Variants in SPOCK1 observed in about 807,000 individuals in gnomAD.
SPOCK1 encodes testican-1.
In SPOCK1, 23 loss-of-function variants were observed where a neutral mutation model predicts 55.3. That is an observed-to-expected ratio of 0.42 (90% confidence interval 0.30 to 0.59). The LOEUF is 0.59. Ranked by LOEUF, SPOCK1 falls within the 20% of genes least tolerant of loss-of-function variation. The pLI is 0.22. For missense variants in SPOCK1, 499 were observed against 552.5 expected (o/e 0.90, Z 0.97); for synonymous variants, 226 against 221.0 (o/e 1.02, Z -0.20).
At chr5:137,012,858 T>G (rs750648338) in intron 6 of SPOCK1, among the ~76,000 whole-genome samples, 2 of 152,188 alleles carry the variant, frequency 1.3e-5, no homozygotes, top group Non-Finnish European at 2.9e-5. Flanking sequence ...ATGTCTAATA[T>G]TAGGGGTTAA....
intron 2 of SPOCK1, among the ~76,000 whole-genome samples, chr5:137,410,053 C>T (rs1028009429): frequency 6.6e-6 from 1 of 152,204 alleles, no homozygotes; most frequent in African/African-American, 2.4e-5. Flanking sequence ...TGGCCTGGGT[C>T]CCAGCTGTCT....
intron 2 of SPOCK1, among the ~76,000 whole-genome samples, chr5:137,491,232 C>T (rs902295149): frequency 2.6e-5 from 4 of 152,208 alleles, no homozygotes; most frequent in Non-Finnish European, 4.4e-5. Context: ...GGCACTTACA[C>T]CATGACATGA....
chr5:137,197,544 G>A (rs1755326875), intron 3 of SPOCK1, among the ~76,000 whole-genome samples: 1 of 152,136 alleles, frequency 6.6e-6, no homozygotes, highest in East Asian at 1.9e-4. Flanking sequence ...GCCTGCCACA[G>A]GAAATTCAAA....
At chr5:137,421,397 T>C (rs973381515) in intron 2 of SPOCK1, among the ~76,000 whole-genome samples, 7 of 152,148 alleles carry the variant, frequency 4.6e-5, no homozygotes, top group African/African-American at 1.7e-4. Context: ...GACAGTGGGG[T>C]GTTAAAGTCT....
intron 3 of SPOCK1, among the ~76,000 whole-genome samples, chr5:137,166,659 A>C (rs753388524): frequency 6.6e-6 from 1 of 152,118 alleles, no homozygotes; most frequent in Non-Finnish European, 1.5e-5. Flanking sequence ...TAAAAACAAA[A>C]AAAGCTGGGG....
At chr5:136,987,599 C>T (rs1412361664) in intron 8 of SPOCK1, among the ~76,000 whole-genome samples, 3 of 152,206 alleles carry the variant, frequency 2.0e-5, no homozygotes, top group Non-Finnish European at 4.4e-5. Flanking sequence ...TACACACATA[C>T]TTACCTTTCA....
chr5:137,024,484 A>G (rs1751634053), intron 6 of SPOCK1, among the ~76,000 whole-genome samples: 1 of 152,150 alleles, frequency 6.6e-6, no homozygotes, highest in Admixed American at 6.5e-5. Flanking sequence ...AATGCAGAAC[A>G]TGGGAGAAAA....
intron 2 of SPOCK1, among the ~76,000 whole-genome samples, chr5:137,319,427 A>C (rs1757939547): frequency 6.6e-6 from 1 of 152,202 alleles, no homozygotes; most frequent in Admixed American, 6.5e-5. Context: ...ATTGTTCACT[A>C]TAAGTAACAG....
At chr5:137,340,223 A>G (rs1045314555) in intron 2 of SPOCK1, among the ~76,000 whole-genome samples, 1 of 152,180 alleles carries the variant, frequency 6.6e-6, no homozygotes, top group African/African-American at 2.4e-5. Context: ...GAACAGTTGG[A>G]TGACACGCCC....
At chr5:137,397,472 A>C (rs1580903350) in intron 2 of SPOCK1, among the ~76,000 whole-genome samples, 6 of 152,312 alleles carry the variant, frequency 3.9e-5, no homozygotes, top group Admixed American at 3.9e-4. Context: ...ACAGAGATCA[A>C]GTCTGTCCTT....
intron 6 of SPOCK1, among the ~76,000 whole-genome samples, chr5:137,035,826 G>C (rs1011172048): frequency 2.0e-5 from 3 of 152,212 alleles, no homozygotes; most frequent in African/African-American, 7.2e-5. Context: ...GCTGAACAAA[G>C]GCAGTGGGGA....
intron 3 of SPOCK1, among the ~76,000 whole-genome samples, chr5:137,141,936 C>G (rs1348617687): frequency 6.6e-6 from 1 of 152,202 alleles, no homozygotes; most frequent in African/African-American, 2.4e-5. Flanking sequence ...GGCTGAGCAG[C>G]AGGTCCTCAG....
At chr5:137,224,902 C>A (rs947585122) in intron 3 of SPOCK1, among the ~76,000 whole-genome samples, 10 of 152,174 alleles carry the variant, frequency 6.6e-5, no homozygotes, top group Admixed American at 1.3e-4. Flanking sequence ...AGCACAGGCC[C>A]GGCCCAATTT....
intron 3 of SPOCK1, among the ~76,000 whole-genome samples, chr5:137,217,902 C>T (rs1263310873): frequency 2.6e-5 from 4 of 152,162 alleles, no homozygotes; most frequent in African/African-American, 9.7e-5. Context: ...CAACCCTACT[C>T]CTATCCATTA....
At chr5:137,054,293 C>A (rs934064001) in intron 6 of SPOCK1, among the ~76,000 whole-genome samples, 1 of 152,196 alleles carries the variant, frequency 6.6e-6, no homozygotes, top group African/African-American at 2.4e-5. Flanking sequence ...TAGAATTCAA[C>A]TTTACAATTG....
At chr5:137,194,798 A>C (rs554976849) in intron 3 of SPOCK1, among the ~76,000 whole-genome samples, 110 of 152,204 alleles carry the variant, frequency 7.2e-4, no homozygotes, top group Non-Finnish European at 1.2e-3. Context: ...GACTCAGTGA[A>C]AGCTCCCATC....
At chr5:137,123,423 C>T (rs1256946741) in intron 4 of SPOCK1, among the ~76,000 whole-genome samples, 1 of 152,130 alleles carries the variant, frequency 6.6e-6, no homozygotes, top group Non-Finnish European at 1.5e-5. Flanking sequence ...ACACATTTGC[C>T]CCGTGTTCCC....
At chr5:137,341,159 A>G (rs1750415097) in intron 2 of SPOCK1, among the ~76,000 whole-genome samples, 1 of 152,234 alleles carries the variant, frequency 6.6e-6, no homozygotes, top group Non-Finnish European at 1.5e-5. Context: ...GAACAACTTC[A>G]AGCATTATGT....
intron 6 of SPOCK1, among the ~76,000 whole-genome samples, chr5:137,011,497 C>T (rs1751347333): frequency 6.6e-6 from 1 of 152,134 alleles, no homozygotes; most frequent in Non-Finnish European, 1.5e-5. Flanking sequence ...CACAATTTCC[C>T]AGCATGTTTT....
Sources: gnomAD v4.1 joint callset for allele counts (sites outside exome capture counted in the v4.1 genomes callset) on GRCh38, gnomAD v4.1.1 for gene constraint, MANE v1.5 for transcripts, NCBI Gene and HGNC (gene_info 2026-07-23, HGNC 2026-07-21) for gene names.